Variants in CHL1 observed in about 807,000 individuals in gnomAD.
CHL1 encodes the protein neural cell adhesion molecule L1-like protein.
CHL1 carries 96 observed loss-of-function variants against 141.9 expected under a neutral mutation model. The ratio of observed to expected loss-of-function variants is 0.68; its 90% CI spans 0.57 to 0.80. CHL1 has a LOEUF of 0.80. Among genes scored for constraint, CHL1 ranks in the 30% least tolerant of loss-of-function variants. The pLI, the probability that CHL1 is intolerant of heterozygous loss-of-function variation, is 0.00. For missense variants in CHL1, 1,820 were observed against 1,457.2 expected (o/e 1.25, Z -4.05); for synonymous variants, 613 against 502.2 (o/e 1.22, Z -2.95).
At chr3:274,124 T>A (rs1205504730) in intron 2 of CHL1, among the ~76,000 whole-genome samples, 1 of 152,222 alleles carries the variant, frequency 6.6e-6, no homozygotes, top group Non-Finnish European at 1.5e-5. Flanking sequence ...AGAATTTGCA[T>A]GTACTCATTT....
chr3:342,136 G>C, intron 7 of CHL1, 54 bp downstream of exon 7: 3 of 1,492,804 alleles, frequency 2.0e-6, no homozygotes, highest in African/African-American at 1.4e-5. Flanking sequence ...AAATGTGTCT[G>C]TAATTTCCTT....
chr3:398,095 C>T (rs1025137548), intron 24 of CHL1, 132 bp from the exon 25 acceptor site: 4 of 488,632 alleles, frequency 8.2e-6, no homozygotes, highest in Non-Finnish European at 1.0e-5. Flanking sequence ...TCTTGATCTC[C>T]TGGTAATTCA....
intron 5 of CHL1, among the ~76,000 whole-genome samples, chr3:329,338 G>C (rs533578352): frequency 3.7e-4 from 56 of 151,252 alleles, no homozygotes; most frequent in African/African-American, 1.3e-3. Context: ...CTTGATTCTG[G>C]GGGTGCAGAA....
At chr3:307,533 A>C (rs1406961138) in intron 2 of CHL1, among the ~76,000 whole-genome samples, 1 of 152,212 alleles carries the variant, frequency 6.6e-6, no homozygotes, top group Non-Finnish European at 1.5e-5. Flanking sequence ...ATGAAATCCT[A>C]AGCCTGGAGT....
chr3:345,169 C>T (rs1011460810), intron 9 of CHL1, among the ~76,000 whole-genome samples: 10 of 152,102 alleles, frequency 6.6e-5, no homozygotes, highest in Admixed American at 6.6e-4. Context: ...TGATAACATT[C>T]TCCTTAGTTA....
In CHL1 at chr3:326,031, T is replaced by A; in HGVS notation, c.164T>A (p.Ile55Asn). The A allele has an allele frequency of 6.2e-7, 1 of 1,611,450 alleles. No individual in the cohort carries two copies. The highest frequency in any genetic ancestry group is 2.2e-5 in the East Asian group (1 of 44,726). The change falls in exon 4 of 28, where the codon ATT becomes AAT. Residue 55 changes from isoleucine (I) to asparagine (N), a missense_variant. By Grantham distance (149) the Ile-to-Asn change is moderately radical. Transcript: ENST00000256509. ...TTTCCCTTCGATGAGTATTTTCAAA[T>A]TGAATGTGAAGCTAAAGGAAATCCA... ...VAFPFDEYFQ[I>N]ECEAKGNPEP...
intron 23 of CHL1, among the ~76,000 whole-genome samples, chr3:392,313 T>C (rs1446226995): frequency 6.6e-6 from 1 of 152,240 alleles, no homozygotes; most frequent in Admixed American, 6.5e-5. Flanking sequence ...AGATATATGC[T>C]CCCAGACTCA....
At chr3:358,973 T>TTATA (rs61074463) in intron 11 of CHL1, among the ~76,000 whole-genome samples, 40 of 146,406 alleles carry the variant, frequency 2.7e-4, no homozygotes, top group South Asian at 6.4e-4. Flanking sequence ...AAAATATATG[T>TTATA]TATATATATA....
intron 2 of CHL1, among the ~76,000 whole-genome samples, chr3:312,687 G>T (rs954397059): frequency 6.6e-6 from 1 of 152,150 alleles, no homozygotes; most frequent in Non-Finnish European, 1.5e-5. Context: ...TCAGAGAGAA[G>T]TGAAGGTGAC....
At chr3:197,639 T>A in intron 1 of CHL1, 1 of 317,746 alleles carries the variant, frequency 3.1e-6, no homozygotes, top group Non-Finnish European at 6.2e-6. Flanking sequence ...CCGGGGGGGG[T>A]TCCGAAAATG....
chr3:256,161 G>A (rs867821394), intron 2 of CHL1, among the ~76,000 whole-genome samples: 4 of 125,734 alleles, frequency 3.2e-5, no homozygotes, highest in African/African-American at 1.1e-4. Flanking sequence ...GCATAAGTGT[G>A]CCTGACAAAG....
intron 2 of CHL1, among the ~76,000 whole-genome samples, chr3:293,479 T>A (rs1369740940): frequency 6.6e-6 from 1 of 152,084 alleles, no homozygotes; most frequent in African/African-American, 2.4e-5. Context: ...CACTCCAGCC[T>A]GGGCCACAGA....
At chr3:404,175 T>C (rs2106438032) in intron 27 of CHL1, among the ~76,000 whole-genome samples, 1 of 152,306 alleles carries the variant, frequency 6.6e-6, no homozygotes, top group South Asian at 2.1e-4. Context: ...AACTGAGCAC[T>C]GGCTTTAAAT....
chr3:324,825 AG>A (rs1380651501), intron 3 of CHL1, among the ~76,000 whole-genome samples: 1 of 151,806 alleles, frequency 6.6e-6, no homozygotes, highest in Non-Finnish European at 1.5e-5. Context: ...CCTGGGCTTA[AG>A]TGACCTTCCC....
intron 19 of CHL1, among the ~76,000 whole-genome samples, chr3:387,920 A>G (rs1167531881): frequency 6.6e-6 from 1 of 152,114 alleles, no homozygotes; most frequent in East Asian, 1.9e-4. Context: ...CTGATATGTC[A>G]CTACCCTTTC....
intron 1 of CHL1, among the ~76,000 whole-genome samples, chr3:210,496 T>C (rs1017218387): frequency 3.3e-5 from 5 of 152,190 alleles, no homozygotes; most frequent in Non-Finnish European, 7.3e-5. Context: ...GGCCCCTCTT[T>C]CTGTCCAAGT....
At chr3:338,989 A>T (rs78929817) in intron 5 of CHL1, among the ~76,000 whole-genome samples, 1,744 of 152,272 alleles carry the variant, frequency 0.011, 33 homozygotes, top group African/African-American at 0.04. Flanking sequence ...TTATCCAGTG[A>T]ACTGTGTATT....
intron 2 of CHL1, among the ~76,000 whole-genome samples, chr3:267,751 A>T (rs550965695): frequency 6.6e-6 from 1 of 152,344 alleles, no homozygotes; most frequent in South Asian, 2.1e-4. Flanking sequence ...GTGAAAGATT[A>T]TACAGTTTTT....
intron 19 of CHL1, among the ~76,000 whole-genome samples, chr3:387,205 T>C (rs146770254): frequency 1.4e-4 from 22 of 152,282 alleles, no homozygotes; most frequent in African/African-American, 5.1e-4. Context: ...ACTAACAATA[T>C]CATTGGTTTC....
Sources: allele counts gnomAD v4.1 joint callset (sites outside exome capture counted in the v4.1 genomes callset), GRCh38; gene constraint gnomAD v4.1.1; transcripts MANE v1.5; gene names NCBI Gene and HGNC (gene_info 2026-07-23, HGNC 2026-07-21).